Variants in ATP6V1C1 observed in about 807,000 individuals in gnomAD.
ATP6V1C1 encodes the protein V-type proton ATPase subunit C 1.
ATP6V1C1 carries 45 observed loss-of-function variants against 53.9 expected under a neutral mutation model. The ratio of observed to expected loss-of-function variants is 0.83; its 90% CI spans 0.66 to 1.07. The LOEUF (loss-of-function observed/expected upper bound fraction) is 1.07. ATP6V1C1 is among the 50% of genes least tolerant of loss of function. The pLI is 0.00. For missense variants in ATP6V1C1, 315 were observed against 440.3 expected, an observed-to-expected ratio of 0.72 and a Z score of 2.55; for synonymous variants, 153 against 155.2, an observed-to-expected ratio of 0.99 and a Z score of 0.11.
At chr8:103,035,568 CG>C in intron 1 of ATP6V1C1, among the ~76,000 whole-genome samples, 1 of 151,938 alleles carries the variant, frequency 6.6e-6, no homozygotes, top group East Asian at 1.9e-4. Context: ...ATCTGGGATA[CG>C]GGGGAGAGTC....
intron 3 of ATP6V1C1, among the ~76,000 whole-genome samples, chr8:103,044,656 A>G (rs1817062886): frequency 6.6e-6 from 1 of 151,412 alleles, no homozygotes. Flanking sequence ...TTAAAATCAG[A>G]AAGTGTGAAT....
chr8:103,040,764 A>G (rs1563603514), intron 1 of ATP6V1C1, 34 bp from the exon 2 acceptor site: 1 of 1,535,538 alleles, frequency 6.5e-7, no homozygotes, highest in African/African-American at 1.4e-5. Context: ...AAATGATTTT[A>G]AATGTGATTT....
Position 103,068,954 on chromosome 8 carries a change from G to T in ATP6V1C1, c.*207G>T, listed in dbSNP as rs1215028359. 2 of 306,246 alleles carry T rather than the reference G, an allele frequency of 6.5e-6. No homozygotes were observed. The highest frequency in any genetic ancestry group is 1.2e-5 in the Non-Finnish European group (2 of 171,042). 19.0% of individuals were successfully genotyped at this position (306,246 alleles called of 1,614,324 possible). On this transcript the variant is annotated 3_prime_UTR_variant, in exon 13 of 13. Coordinates refer to ENST00000518738, the MANE Select transcript of ATP6V1C1 (RefSeq NM_001695.5). ...TATATAGTTTCTTTTTATTGATCAG[G>T]TCTGTAAATGTGTACTAAAAAAATC...
At chr8:103,055,009 G>A (rs561632308) in intron 7 of ATP6V1C1, among the ~76,000 whole-genome samples, 1 of 152,078 alleles carries the variant, frequency 6.6e-6, no homozygotes, top group African/African-American at 2.4e-5. Context: ...TCTTTGCACA[G>A]GGAGAAGGCC....
Position 103,063,053 on chromosome 8 carries a change from A to C in ATP6V1C1, c.734+6A>C, listed in dbSNP as rs1817430136. On this transcript the variant is annotated splice_donor_region_variant and intron_variant, in intron 9 of 12. Coordinates refer to ENST00000518738, the MANE Select transcript of ATP6V1C1 (RefSeq NM_001695.5). ...CACAAAGCCAGAGAAAACAAGTAAGATTATTGTTTTTTTGTTTATTTACTT... is the reference window on the plus strand; with the variant it reads ...CACAAAGCCAGAGAAAACAAGTAAGCTTATTGTTTTTTTGTTTATTTACTT... 6.2e-7 allele frequency: 1 copy of C among 1,613,312 alleles called. No individual in the cohort carries two copies. Among genetic ancestry groups the C allele is most frequent in the Non-Finnish European group, 8.5e-7 (1 of 1,179,456 alleles).
intron 1 of ATP6V1C1, among the ~76,000 whole-genome samples, chr8:103,025,139 A>G (rs1816673779): frequency 6.6e-6 from 1 of 152,188 alleles, no homozygotes; most frequent in Non-Finnish European, 1.5e-5. Context: ...TGGATCTTCT[A>G]AGATATTTTA....
At chr8:103,058,987 T>A (rs1269045809) in intron 8 of ATP6V1C1, among the ~76,000 whole-genome samples, 1 of 152,060 alleles carries the variant, frequency 6.6e-6, no homozygotes, top group Non-Finnish European at 1.5e-5. Flanking sequence ...TTTCCTATTT[T>A]TTTTTTTTTT....
intron 1 of ATP6V1C1, among the ~76,000 whole-genome samples, chr8:103,030,435 G>T (rs180843029): frequency 6.6e-5 from 10 of 152,292 alleles, no homozygotes; most frequent in African/African-American, 2.4e-4. Context: ...TGAGACTTCA[G>T]TTTTTGTCTG....
In ATP6V1C1 at chr8:103,068,723, T is replaced by C. The variant is rs1244180409; in HGVS notation, c.1125T>C (p.Asp375=). ...EYYPYVYYKI[D]CNLLEFK is the part of the protein sequence containing the mutation. ...ACCCCTATGTGTACTACAAGATTGA[T>C]TGCAACTTGCTGGAATTCAAGTGAA... is the stretch of plus-strand genomic sequence containing the variant. The change falls in exon 13 of 13, where the codon GAT becomes GAC. Residue 375 remains aspartate, a synonymous_variant. Transcript: ENST00000518738. 3.1e-6 allele frequency: 5 copies of C among 1,609,354 alleles called. No individual in the cohort carries two copies. The highest frequency in any genetic ancestry group is 2.5e-6 in the Non-Finnish European group (3 of 1,177,918).
chr8:103,066,976 A>AAAG (rs972356984), intron 12 of ATP6V1C1, among the ~76,000 whole-genome samples: 8 of 151,562 alleles, frequency 5.3e-5, no homozygotes, highest in Non-Finnish European at 1.2e-4. Flanking sequence ...CCATCTGAAA[A>AAAG]AAGAAAAAAA....
chr8:103,042,475 G>A, intron 3 of ATP6V1C1, 68 bp downstream of exon 3: 1 of 1,489,478 alleles, frequency 6.7e-7, no homozygotes, highest in Non-Finnish European at 9.3e-7. Context: ...ATGGACACTG[G>A]GTTTATTATC....
Position 103,048,942 on chromosome 8 carries a change from G to A in ATP6V1C1, c.273G>A (p.Leu91=), listed in dbSNP as rs750429466. 1.2e-6 allele frequency: 2 copies of A among 1,612,876 alleles called. No homozygotes were observed. The highest frequency in any genetic ancestry group is 8.5e-7 in the Non-Finnish European group (1 of 1,179,394). The change falls in exon 4 of 13, where the codon CTG becomes CTA. Residue 91 remains leucine, a synonymous_variant. Coordinates refer to ENST00000518738, the MANE Select transcript of ATP6V1C1 (RefSeq NM_001695.5). The part of the protein sequence containing the change: ...EDSKDKVQEN[L]LANGVDLVTY... ...GCAAAGACAAAGTTCAAGAGAATCT[G>A]TTGGCTAATGGAGGTAAGCTAATGC...
chr8:103,067,726 GA>G (rs1817520058), intron 12 of ATP6V1C1, among the ~76,000 whole-genome samples: 1 of 150,132 alleles, frequency 6.7e-6, no homozygotes, highest in Non-Finnish European at 1.5e-5. Context: ...TCAGCCTCCT[GA>G]GTAGCTGGGA....
intron 1 of ATP6V1C1, 103 bp from the exon 2 acceptor site, chr8:103,040,695 A>G: frequency 1.0e-6 from 1 of 958,468 alleles, no homozygotes; most frequent in South Asian, 2.1e-5. Context: ...ACATTAGATT[A>G]GTTTTGAAAC....
At chr8:103,022,614 A>G (rs1816617004) in intron 1 of ATP6V1C1, among the ~76,000 whole-genome samples, 4 of 152,218 alleles carry the variant, frequency 2.6e-5, no homozygotes, top group Admixed American at 2.6e-4. Context: ...AGATTTTAAA[A>G]AGGCATTGCT....
chr8:103,063,010 G>C lies in ATP6V1C1; in HGVS notation c.697G>C (p.Ala233Pro). ...YLCNVTLFRK[A>P]VDDFRHKARE... ...GTGTAATGTCACCTTGTTTAGGAAG[G>C]CAGTTGATGACTTCAGACACAAAGC... Residue 233 changes from alanine (A) to proline (P), a missense_variant, in exon 9 of 13, where the codon GCA (alanine) becomes CCA (proline). By Grantham distance (27) the Ala-to-Pro change is conservative (BLOSUM62 -1). Coordinates refer to ENST00000518738, the MANE Select transcript of ATP6V1C1 (RefSeq NM_001695.5). The C allele has an allele frequency of 7.4e-6, 12 of 1,613,894 alleles. No homozygotes were observed. The highest frequency in any genetic ancestry group is 1.0e-5 in the Non-Finnish European group (12 of 1,179,922).
chr8:103,068,466 G>C (rs745506481), intron 12 of ATP6V1C1, among the ~76,000 whole-genome samples, 186 bp from the exon 13 acceptor site: 1 of 152,210 alleles, frequency 6.6e-6, no homozygotes, highest in Non-Finnish European at 1.5e-5. Flanking sequence ...CCTAGGAGAA[G>C]TCAGTCTTTC....
chr8:103,030,424 A>G lies in ATP6V1C1; in HGVS notation c.-40+9199A>G, dbSNP rs566435416. ...TGAATAATACATACAACAAAACCAGATGAGACTTCAGTTTTTGTCTGCGAT... is the reference window on the plus strand; with the variant it reads ...TGAATAATACATACAACAAAACCAGGTGAGACTTCAGTTTTTGTCTGCGAT... On this transcript the variant is annotated intron_variant, in intron 1 of 12. Coordinates refer to ENST00000518738, the MANE Select transcript of ATP6V1C1 (RefSeq NM_001695.5). Among the ~76,000 whole-genome samples the G allele has an allele frequency of 4.6e-5, 7 of 152,348 alleles. No individual in the cohort carries two copies. In the South Asian group the frequency reaches 1.4e-3, roughly 32 times the overall value.
intron 3 of ATP6V1C1, among the ~76,000 whole-genome samples, chr8:103,044,850 A>G (rs760948448): frequency 2.0e-5 from 3 of 152,138 alleles, no homozygotes; most frequent in Non-Finnish European, 4.4e-5. Flanking sequence ...GTCTTTATCC[A>G]TGAACATCGG....
Sources: allele counts gnomAD v4.1 joint callset (sites outside exome capture counted in the v4.1 genomes callset), GRCh38; gene constraint gnomAD v4.1.1; transcripts MANE v1.5; gene names NCBI Gene and HGNC (gene_info 2026-07-23, HGNC 2026-07-21).